The following ASXL3 variants were observed in gnomAD, a reference collection of about 807,000 sequenced individuals.
The protein encoded by ASXL3 is ASXL transcriptional regulator 3.
In ASXL3, 34 loss-of-function variants were observed where a neutral mutation model predicts 170.6. The ratio of observed to expected loss-of-function variants is 0.20; its 90% CI spans 0.15 to 0.27. The LOEUF (loss-of-function observed/expected upper bound fraction) is 0.27, where lower values mean the gene tolerates loss of function less well. ASXL3 is among the 10% of genes least tolerant of loss of function. The pLI, the probability that ASXL3 is intolerant of heterozygous loss-of-function variation, is 1.00. For synonymous variants in ASXL3, 1,002 were observed against 989.1 expected, an observed-to-expected ratio of 1.01 and a Z score of -0.24; for missense variants, 2,592 against 2,695.3, an observed-to-expected ratio of 0.96 and a Z score of 0.85.
intron 1 of ASXL3, among the ~76,000 whole-genome samples, chr18:33,599,556 G>A (rs1038720689): frequency 6.6e-6 from 1 of 152,094 alleles, no homozygotes; most frequent in Non-Finnish European, 1.5e-5. Flanking sequence ...AAGGGAAACC[G>A]AGCAATTGGA....
intron 8 of ASXL3, among the ~76,000 whole-genome samples, chr18:33,711,830 G>A (rs2067069920): frequency 6.6e-6 from 1 of 151,960 alleles, no homozygotes; most frequent in South Asian, 2.1e-4. Context: ...TACATTTTTG[G>A]TCTAATCACT....
chr18:33,714,616 G>A lies in ASXL3; in HGVS notation c.880-17352G>A, dbSNP rs553273894. On this transcript the variant is annotated intron_variant, in intron 8 of 11. Transcript: ENST00000269197. Reference sequence around the variant, plus strand: ...CTCTCGTATTTCCCATAAGAAGCAAGCTCCCTTTTCATTCTGTCCACGTTT... The same window carrying A: ...CTCTCGTATTTCCCATAAGAAGCAAACTCCCTTTTCATTCTGTCCACGTTT... Among the ~76,000 whole-genome samples, 6 of 152,058 alleles carry A rather than the reference G, an allele frequency of 3.9e-5. No individual in the cohort carries two copies. In the South Asian group the frequency reaches 1.0e-3, roughly 26 times the overall value.
intron 1 of ASXL3, among the ~76,000 whole-genome samples, chr18:33,592,481 T>A (rs1326418003): frequency 6.6e-6 from 1 of 152,212 alleles, no homozygotes; most frequent in Non-Finnish European, 1.5e-5. Flanking sequence ...CACTTGCAGC[T>A]TTTGAGGGTC....
chr18:33,720,799 C>T (rs1404004453), intron 8 of ASXL3, among the ~76,000 whole-genome samples: 1 of 152,118 alleles, frequency 6.6e-6, no homozygotes, highest in Non-Finnish European at 1.5e-5. Context: ...CCACAGGCTA[C>T]ATCTCTTCTG....
rs1446731140 is a variant in ASXL3, at chr18:33,749,971, AAAGTGG to A, written c.*3381_*3386del. 1 of 152,294 alleles carries A rather than the reference AAAGTGG, an allele frequency of 6.6e-6. No homozygotes were observed. The highest frequency in any genetic ancestry group is 1.5e-5 in the Non-Finnish European group (1 of 68,116). 9.4% of individuals were successfully genotyped at this position (152,294 alleles called of 1,614,324 possible). A position where few individuals can be genotyped will look rare whatever the true frequency, so the allele number is the denominator to read the frequency against. ...CTTTACAAACCCCCGCACAATTTCA[AAAGTGG>A]AAGTTACCGTGGCCTCTGGTTTCCC... On this transcript the variant is annotated 3_prime_UTR_variant, in exon 12 of 12. Transcript: ENST00000269197.
rs551229835 is a variant in ASXL3 at position 33,639,007 on chromosome 18, A to T, written c.138-5887A>T. ...AGATGAAAATGAAATTAGAAATTAA[A>T]ATCTTTTTAAAAATTAAAATATTAC... On this transcript the variant is annotated intron_variant, in intron 2 of 11. Coordinates refer to ENST00000269197, the MANE Select transcript of ASXL3 (RefSeq NM_030632.3). Among the ~76,000 whole-genome samples the T allele has an allele frequency of 1.7e-4, 26 of 152,288 alleles. No homozygotes were observed. In the South Asian group the frequency reaches 5.2e-3, roughly 30 times the overall value.
At chr18:33,670,055 G>A (rs1370286165) in intron 5 of ASXL3, among the ~76,000 whole-genome samples, 2 of 152,062 alleles carry the variant, frequency 1.3e-5, no homozygotes, top group African/African-American at 4.8e-5. Flanking sequence ...TTCGTGTTCT[G>A]AAGGTTAATG....
At chr18:33,694,326 A>G (rs1401858386) in intron 8 of ASXL3, among the ~76,000 whole-genome samples, 2 of 152,176 alleles carry the variant, frequency 1.3e-5, no homozygotes, top group Admixed American at 6.6e-5. Context: ...TTTGTACTTT[A>G]TAAAATGTGT....
At chr18:33,734,491 T>G in intron 10 of ASXL3, 76 bp downstream of exon 10, 1 of 860,192 alleles carries the variant, frequency 1.2e-6, no homozygotes, top group Non-Finnish European at 1.7e-6. Context: ...CATAGCACAC[T>G]CATATGCTGT....
intron 2 of ASXL3, among the ~76,000 whole-genome samples, chr18:33,636,812 A>T (rs533565019): frequency 4.7e-4 from 71 of 152,240 alleles, no homozygotes; most frequent in East Asian, 9.7e-4. Flanking sequence ...TTTTAAAAAA[A>T]TTTTGAATAT....
In ASXL3 at chr18:33,746,594, A is replaced by G; in HGVS notation, c.6746A>G (p.Ter2249=). 1 of 1,578,142 alleles carries G rather than the reference A, an allele frequency of 6.3e-7. No individual in the cohort carries two copies. Among genetic ancestry groups the G allele is most frequent in the Non-Finnish European group, 8.6e-7 (1 of 1,160,912 alleles). ...KLCVACLVVR[*] is the part of the protein sequence containing the mutation. The stretch of plus-strand genomic sequence containing the variant: ...TGTGTAGCATGCCTGGTTGTACGAT[A>G]AGAGCTGAGTGAAAGATGCAGTATC... The change falls in exon 12 of 12, where the codon TAA becomes TGA. Residue 2249 remains the stop codon, a stop_retained_variant. Transcript: ENST00000269197.
At chr18:33,729,852 C>T (rs1378473230) in intron 8 of ASXL3, among the ~76,000 whole-genome samples, 1 of 152,094 alleles carries the variant, frequency 6.6e-6, no homozygotes, top group Non-Finnish European at 1.5e-5. Context: ...GGATGTCAAT[C>T]ACCAGGCATG....
Position 33,743,057 on chromosome 18 carries a change from C to G in ASXL3, c.3209C>G (p.Ala1070Gly). Reference protein sequence around the residue: ...RAQQARAQREAAAAAAVAAAA... With the variant: ...RAQQARAQREGAAAAAVAAAA... ...CAACAAGCTCGGGCCCAGCGAGAGG[C>G]TGCTGCAGCTGCTGCTGTGGCTGCT... The change falls in exon 12 of 12, where the codon GCT becomes GGT. Residue 1070 changes from alanine to glycine, a missense_variant. Physicochemically the swap from Ala to Gly is moderately conservative, Grantham distance 60. Around this residue, in one of 4 missense-constraint regions of ASXL3, gnomAD observed 2,246 missense variants for 2,219.6 expected, o/e 1.01. Coordinates refer to ENST00000269197, the MANE Select transcript of ASXL3 (RefSeq NM_030632.3). The G allele has an allele frequency of 6.2e-7, 1 of 1,613,014 alleles. No individual in the cohort carries two copies. The highest frequency in any genetic ancestry group is 8.5e-7 in the Non-Finnish European group (1 of 1,179,728).
chr18:33,598,646 T>G (rs1421155769), intron 1 of ASXL3, among the ~76,000 whole-genome samples: 1 of 152,184 alleles, frequency 6.6e-6, no homozygotes. Context: ...ACTGGATTAG[T>G]CTCTTTTAAA....
intron 11 of ASXL3, among the ~76,000 whole-genome samples, 187 bp from the exon 12 acceptor site, chr18:33,742,701 T>G (rs767460341): frequency 8.5e-5 from 13 of 152,194 alleles, no homozygotes; most frequent in Non-Finnish European, 1.9e-4. Flanking sequence ...AAAACTTAAT[T>G]TTTTCCATTC....
chr18:33,740,865 T>C (rs549154371), intron 11 of ASXL3, among the ~76,000 whole-genome samples: 14 of 152,358 alleles, frequency 9.2e-5, no homozygotes, highest in African/African-American at 2.6e-4. Context: ...CTGTCACTTA[T>C]ACTGACTTGA....
intron 7 of ASXL3, among the ~76,000 whole-genome samples, chr18:33,673,040 T>C (rs2066370286): frequency 1.3e-5 from 2 of 152,352 alleles, no homozygotes; most frequent in Admixed American, 1.3e-4. Flanking sequence ...CATACTTACC[T>C]GTACATGGAC....
chr18:33,616,004 A>G (rs1348306168), intron 2 of ASXL3, among the ~76,000 whole-genome samples: 1 of 152,206 alleles, frequency 6.6e-6, no homozygotes, highest in Non-Finnish European at 1.5e-5. Context: ...TGATTAAATA[A>G]GTCATAGTCT....
At chr18:33,723,400 T>C (rs913575417) in intron 8 of ASXL3, among the ~76,000 whole-genome samples, 1 of 152,150 alleles carries the variant, frequency 6.6e-6, no homozygotes, top group Admixed American at 6.6e-5. Context: ...CTGATACTTA[T>C]AGATGACTTT....
Sources: allele counts gnomAD v4.1 joint callset (sites outside exome capture counted in the v4.1 genomes callset), GRCh38; gene constraint gnomAD v4.1.1; regional missense constraint gnomAD v4.1.1; transcripts MANE v1.5; gene names NCBI Gene and HGNC (gene_info 2026-07-23, HGNC 2026-07-21).